TMC2: variants seen among roughly 807,000 people sequenced by gnomAD.
TMC2 encodes the protein transmembrane channel-like protein 2.
Under a neutral mutation model 105.9 loss-of-function variants are expected in TMC2, and 102 were observed. That is an observed-to-expected ratio of 0.96 (90% CI 0.82 to 1.14). The LOEUF (loss-of-function observed/expected upper bound fraction) is 1.14. TMC2 is among the 50% of genes most tolerant of loss of function. TMC2 has a pLI of 0.00. For synonymous variants in TMC2, 402 were observed against 422.8 expected, an observed-to-expected ratio of 0.95 and a Z score of 0.60; for missense variants, 1,093 against 1,134.3, an observed-to-expected ratio of 0.96 and a Z score of 0.52.
At chr20:2,636,430 C>A (rs2086643414) in intron 18 of TMC2, among the ~76,000 whole-genome samples, 1 of 150,806 alleles carries the variant, frequency 6.6e-6, no homozygotes. Context: ...CTCAACATCC[C>A]AGCTGACACC....
chr20:2,590,129 G>C (rs920006329), intron 7 of TMC2, among the ~76,000 whole-genome samples: 14 of 152,080 alleles, frequency 9.2e-5, no homozygotes, highest in African/African-American at 3.4e-4. Context: ...AATCTCAAAA[G>C]TGTAATGTTG....
chr20:2,552,235 G>C (rs2085961078), intron 2 of TMC2, among the ~76,000 whole-genome samples: 1 of 152,218 alleles, frequency 6.6e-6, no homozygotes, highest in Non-Finnish European at 1.5e-5. Context: ...TCCAGCCTGA[G>C]CAACAGAATG....
At position 2,614,342 on chromosome 20, in the gene TMC2, A is replaced by T. The variant is rs138352035; in HGVS notation, c.1872+1020A>T. 8.7e-3 allele frequency among the ~76,000 whole-genome samples: 1,331 copies of T among 152,338 alleles called. 10 individuals carry two copies. Among genetic ancestry groups the T allele is most frequent in the Non-Finnish European group, 0.012 (813 of 68,018 alleles). ...AGAATAAGGCCAGGTATGGTGGCTCACACCTGTAATCCTAGCACTTTGGGA... is the reference window on the plus strand; with the variant it reads ...AGAATAAGGCCAGGTATGGTGGCTCTCACCTGTAATCCTAGCACTTTGGGA... On this transcript the variant is annotated intron_variant, in intron 14 of 19. Transcript: ENST00000358864.
At chr20:2,555,994 G>C (rs1266140893) in intron 2 of TMC2, among the ~76,000 whole-genome samples, 2 of 152,158 alleles carry the variant, frequency 1.3e-5, no homozygotes. Context: ...CATAAGCTAT[G>C]ATTATCCAAC....
At chr20:2,588,898 C>T (rs1032975829) in intron 7 of TMC2, among the ~76,000 whole-genome samples, 4 of 151,984 alleles carry the variant, frequency 2.6e-5, no homozygotes, top group African/African-American at 7.2e-5. Flanking sequence ...CTTTTAATTT[C>T]GATGATCACA....
intron 5 of TMC2, 38 bp downstream of exon 5, chr20:2,572,307 T>A: frequency 6.6e-7 from 1 of 1,515,628 alleles, no homozygotes; most frequent in Non-Finnish European, 9.1e-7. Flanking sequence ...TTGGGAGGGC[T>A]TGCTCAGCTT....
Position 2,643,402 on chromosome 20 carries a change from C to T in TMC2, c.*2051C>T, listed in dbSNP as rs916837290. 6.6e-6 allele frequency among the ~76,000 whole-genome samples: 1 copy of T among 152,350 alleles called. No homozygotes were observed. The highest frequency in any genetic ancestry group is 1.5e-5 in the Non-Finnish European group (1 of 68,038). On this transcript the variant is annotated 3_prime_UTR_variant, in exon 20 of 20. Transcript: ENST00000358864. ...TGAGCCATTGGTCCCCTAGTGATTA[C>T]TGTCAGGCCTCCACTGGTTACTAAT...
chr20:2,617,535 G>A (rs148893215), intron 16 of TMC2: 167 of 574,414 alleles, frequency 2.9e-4, no homozygotes, highest in East Asian at 1.9e-3. Flanking sequence ...ACCTGTGGCC[G>A]TTGAGTGCTT....
At chr20:2,628,350 T>C (rs781117955) in intron 17 of TMC2, among the ~76,000 whole-genome samples, 1 of 152,220 alleles carries the variant, frequency 6.6e-6, no homozygotes, top group Non-Finnish European at 1.5e-5. Flanking sequence ...TTTGTTATGA[T>C]AAATTAGGAT....
intron 3 of TMC2, among the ~76,000 whole-genome samples, chr20:2,560,020 T>C (rs79572103): frequency 0.037 from 5,644 of 152,214 alleles, 339 homozygotes; most frequent in African/African-American, 0.13. Flanking sequence ...CACATAGGCA[T>C]TGGTAATCCT....
At chr20:2,584,801 T>A (rs530395038) in intron 7 of TMC2, among the ~76,000 whole-genome samples, 5 of 151,974 alleles carry the variant, frequency 3.3e-5, no homozygotes, top group South Asian at 2.1e-4. Context: ...TTTTTTTTTT[T>A]AATTCAGTCT....
chr20:2,553,773 C>T lies in TMC2; in HGVS notation c.83-4683C>T, dbSNP rs1471903175. Among the ~76,000 whole-genome samples, 9 of 152,234 alleles carry T rather than the reference C, an allele frequency of 5.9e-5. No individual in the cohort carries two copies. The South Asian group carries it at 1.5e-3, about 25-fold the overall frequency. ...ATAGGCCTATTCAGATTACTTATTTCGCTTTGTGTGAGTTTTGGTAGATTG... is the reference window on the plus strand; with the variant it reads ...ATAGGCCTATTCAGATTACTTATTTTGCTTTGTGTGAGTTTTGGTAGATTG... On this transcript the variant is annotated intron_variant, in intron 2 of 19. Coordinates refer to ENST00000358864, the MANE Select transcript of TMC2 (RefSeq NM_080751.3).
intron 7 of TMC2, among the ~76,000 whole-genome samples, chr20:2,591,747 A>AAAGAG (rs2086270409): frequency 2.0e-5 from 3 of 151,986 alleles, no homozygotes; most frequent in African/African-American, 7.3e-5. Flanking sequence ...GAAGAAAAGA[A>AAAGAG]AAGAAAAGAA....
At chr20:2,547,149 T>C (rs1244235728) in intron 2 of TMC2, among the ~76,000 whole-genome samples, 1 of 152,166 alleles carries the variant, frequency 6.6e-6, no homozygotes, top group Non-Finnish European at 1.5e-5. Flanking sequence ...TCAGTAAGTA[T>C]GGAATAGGTC....
chr20:2,616,456 A>T lies in TMC2; in HGVS notation c.1940+252A>T, dbSNP rs990093178. Among the ~76,000 whole-genome samples, 1 of 151,966 alleles carries T rather than the reference A, an allele frequency of 6.6e-6. No homozygotes were observed. The highest frequency in any genetic ancestry group is 1.5e-5 in the Non-Finnish European group (1 of 67,984). ...TGGAGGAGAAAAGGAAAAGGAAGGA[A>T]GGCAGGAGAGAAGGAGAAGAGGGAA... On this transcript the variant is annotated intron_variant, in intron 15 of 19. Transcript: ENST00000358864. The surrounding 1 kb of genome is among the most constrained non-coding windows in gnomAD (Gnocchi z 4.8).
At position 2,550,368 on chromosome 20, in the gene TMC2, TA is replaced by T. The variant is rs1222664507; in HGVS notation, c.83-8082del. Among the ~76,000 whole-genome samples, 5 of 152,034 alleles carry T rather than the reference TA, an allele frequency of 3.3e-5. No individual in the cohort carries two copies. The East Asian group carries it at 9.6e-4, about 29-fold the overall frequency. ...TGTCTCAAAAAAATAAAAATTAAAA[TA>T]AAAAACTTACATAGAGTTTCCACGT... is the stretch of plus-strand genomic sequence containing the variant. On this transcript the variant is annotated intron_variant, in intron 2 of 19. Coordinates refer to ENST00000358864, the MANE Select transcript of TMC2 (RefSeq NM_080751.3).
chr20:2,589,709 T>A (rs994659827), intron 7 of TMC2, among the ~76,000 whole-genome samples: 3 of 152,086 alleles, frequency 2.0e-5, no homozygotes, highest in Non-Finnish European at 4.4e-5. Flanking sequence ...TCCCTCTGTC[T>A]CCCAGGCTGG....
At chr20:2,548,847 T>G (rs2085940073) in intron 2 of TMC2, among the ~76,000 whole-genome samples, 1 of 152,170 alleles carries the variant, frequency 6.6e-6, no homozygotes, top group Non-Finnish European at 1.5e-5. Flanking sequence ...TTTTGTAACC[T>G]TCAACATCAA....
chr20:2,549,831 T>A (rs192190149), intron 2 of TMC2, among the ~76,000 whole-genome samples: 13 of 152,322 alleles, frequency 8.5e-5, no homozygotes, highest in African/African-American at 1.9e-4. Context: ...TTTCATTTTT[T>A]AAAAACAGAC....
Sources: allele counts gnomAD v4.1 joint callset (sites outside exome capture counted in the v4.1 genomes callset), GRCh38; gene constraint gnomAD v4.1.1; non-coding constraint Gnocchi (gnomAD v3.1); transcripts MANE v1.5; gene names NCBI Gene and HGNC (gene_info 2026-07-23, HGNC 2026-07-21).